NCF4: variants seen among roughly 807,000 people sequenced by gnomAD.
NCF4 encodes neutrophil cytosolic factor 4, also known as neutrophil cytosol factor 4.
A neutral mutation model predicts 41.7 loss-of-function variants in NCF4; 30 were observed. The ratio of observed to expected loss-of-function variants is 0.72; its 90% CI spans 0.54 to 0.97. The LOEUF is 0.97. NCF4 is among the 50% of genes least tolerant of loss of function. The pLI is 0.00. For synonymous variants in NCF4, 195 were observed against 175.8 expected (o/e 1.11, Z -0.87); for missense variants, 432 against 460.9 (o/e 0.94, Z 0.57).
rs1940227900 is a variant in NCF4, at chr22:36,877,823, A to G, written c.1020A>G (p.Ter340TrpextTer45). The G allele has an allele frequency of 6.2e-7, 1 of 1,612,724 alleles. No homozygotes were observed. Among genetic ancestry groups the G allele is most frequent in the South Asian group, 1.1e-5 (1 of 90,912 alleles). Residue 340 changes from the stop codon to tryptophan (W), a stop_lost, in exon 10 of 10, where the codon TGA becomes TGG. Coordinates refer to ENST00000248899, the MANE Select transcript of NCF4 (RefSeq NM_000631.5). ...ACAGGGTCTACAACACGATGCCATG[A>G]GCTGACGGTGTCCCTGGAGCAGTGA... The part of the protein sequence containing the change: ...DNYRVYNTMP[*>W]
At chr22:36,864,879 C>A in intron 2 of NCF4, 40 bp from the exon 3 acceptor site, 1 of 1,613,632 alleles carries the variant, frequency 6.2e-7, no homozygotes. Flanking sequence ...GCTTGTGCTC[C>A]TGGCCCCTGA....
At chr22:36,862,354 C>T (rs1477443885) in intron 1 of NCF4, among the ~76,000 whole-genome samples, 1 of 152,198 alleles carries the variant, frequency 6.6e-6, no homozygotes, top group Non-Finnish European at 1.5e-5. Flanking sequence ...TCCACGTGGC[C>T]TTCCTGAGCC....
chr22:36,867,110 C>CGTGT lies in NCF4; in HGVS notation c.272-252_272-249dup, dbSNP rs3221695. On this transcript the variant is annotated intron_variant, in intron 3 of 9. Coordinates refer to ENST00000248899, the MANE Select transcript of NCF4 (RefSeq NM_000631.5). ...ATCCTGCTCTCTTAGAACTAAGAGT[C>CGTGT]GTGTGTGTGTGTGTGTGTGTGTGTG... Among the ~76,000 whole-genome samples, 26,383 of 143,538 alleles carry CGTGT rather than the reference C, an allele frequency of 0.18. 2,482 individuals are homozygous for CGTGT. Among genetic ancestry groups the CGTGT allele is most frequent in the Non-Finnish European group, 0.2 (13,547 of 66,138 alleles). 94.2% of individuals were successfully genotyped at this position (143,538 alleles called of 152,430 possible).
chr22:36,866,572 GT>G (rs1452789631), intron 3 of NCF4, among the ~76,000 whole-genome samples: 1 of 152,018 alleles, frequency 6.6e-6, no homozygotes, highest in East Asian at 1.9e-4. Context: ...TAATTGTCAC[GT>G]TTTTGCTCCT....
At position 36,865,984 on chromosome 22, in the gene NCF4, C is replaced by A. The variant is rs1217414360; in HGVS notation, c.271+912C>A. Among the ~76,000 whole-genome samples, 1 of 152,054 alleles carries A rather than the reference C, an allele frequency of 6.6e-6. No homozygotes were observed. Among genetic ancestry groups the A allele is most frequent in the African/African-American group, 2.4e-5 (1 of 41,394 alleles). Reference sequence around the variant, plus strand: ...CTCCTCTCTCTTTTGGGGCTCTCTCCTGACAATCTACCCCTCCTTTTCCTT... The same window carrying A: ...CTCCTCTCTCTTTTGGGGCTCTCTCATGACAATCTACCCCTCCTTTTCCTT... On this transcript the variant is annotated intron_variant, in intron 3 of 9. Transcript: ENST00000248899. This position sits in a 1 kb window ranked among gnomAD's most constrained non-coding sequence, Gnocchi z 4.3.
At chr22:36,867,539 G>A (rs1939957682) in intron 4 of NCF4, 77 bp downstream of exon 4, 4 of 1,506,802 alleles carry the variant, frequency 2.7e-6, no homozygotes, top group Non-Finnish European at 3.7e-6. Context: ...CCATCCCTGG[G>A]TATGGCTTTG....
Position 36,871,575 on chromosome 22 carries a change from C to G in NCF4, c.471-77C>G, listed in dbSNP as rs1219084750. On this transcript the variant is annotated intron_variant, in intron 5 of 9. Coordinates refer to ENST00000248899, the MANE Select transcript of NCF4 (RefSeq NM_000631.5). ...TGCCTTCCCTGCTCCTTGCAAGGGG[C>G]TCCTCTGGACACAGGAGCAGGAAGC... 7 of 1,478,008 alleles carry G rather than the reference C, an allele frequency of 4.7e-6. No individual in the cohort carries two copies. In the East Asian group the frequency reaches 1.5e-4, roughly 31 times the overall value. 91.6% of individuals were successfully genotyped at this position (1,478,008 alleles called of 1,614,324 possible).
intron 7 of NCF4, among the ~76,000 whole-genome samples, chr22:36,874,708 A>C (rs1002204577): frequency 6.6e-6 from 1 of 152,220 alleles, no homozygotes; most frequent in African/African-American, 2.4e-5. Context: ...GCATGTAAAT[A>C]ATCCATGTTC....
chr22:36,870,039 TC>T (rs2145715512), intron 4 of NCF4: 1 of 351,690 alleles, frequency 2.8e-6, no homozygotes, highest in South Asian at 2.2e-5. Flanking sequence ...ACCTCTCTGA[TC>T]CTAACTCAAG....
At chr22:36,869,085 G>A (rs1405511418) in intron 4 of NCF4, among the ~76,000 whole-genome samples, 1 of 152,190 alleles carries the variant, frequency 6.6e-6, no homozygotes, top group East Asian at 1.9e-4. Flanking sequence ...ATTGATAAAT[G>A]AATAATCTTA....
intron 9 of NCF4, among the ~76,000 whole-genome samples, chr22:36,876,538 T>A (rs766634388): frequency 6.6e-6 from 1 of 152,166 alleles, no homozygotes; most frequent in African/African-American, 2.4e-5. Flanking sequence ...GTCAGAAAGA[T>A]ACAAAGAAGT....
rs1188940634 is a variant in NCF4, at chr22:36,877,981, A to G, written c.*158A>G. 1 of 718,892 alleles carries G rather than the reference A, an allele frequency of 1.4e-6. No homozygotes were observed. Among genetic ancestry groups the G allele is most frequent in the Admixed American group, 2.8e-5 (1 of 35,912 alleles). 44.5% of individuals were successfully genotyped at this position (718,892 alleles called of 1,614,324 possible). ...TAATCTGTCTCTTTCTACTATTTAC[A>G]TCTGATTTAAATAAACCATTCCATC... On this transcript the variant is annotated 3_prime_UTR_variant, in exon 10 of 10. Coordinates refer to ENST00000248899, the MANE Select transcript of NCF4 (RefSeq NM_000631.5).
At chr22:36,867,342 C>A (rs1192449493) in intron 3 of NCF4, 50 bp from the exon 4 acceptor site, 3 of 1,605,038 alleles carry the variant, frequency 1.9e-6, no homozygotes, top group South Asian at 2.2e-5. Context: ...CCCTGAGCCC[C>A]GGGGCCATGT....
At chr22:36,872,030 C>G (rs1021523964) in intron 6 of NCF4, 1 of 663,228 alleles carries the variant, frequency 1.5e-6, no homozygotes, top group Non-Finnish European at 2.8e-6. Flanking sequence ...CAGACAAGGC[C>G]CAGCCCACGA....
intron 7 of NCF4, 26 bp from the exon 8 acceptor site, chr22:36,875,627 A>G (rs778173765): frequency 1.2e-6 from 2 of 1,605,940 alleles, no homozygotes; most frequent in Admixed American, 3.3e-5. Context: ...TCTCACCAGC[A>G]TGGCATCCCT....
Position 36,867,474 on chromosome 22 carries a change from C to G in NCF4, c.342+12C>G, listed in dbSNP as rs367636183. On this transcript the variant is annotated intron_variant, in intron 4 of 9. Transcript: ENST00000248899. ...ACGCCTACATGAAGGTACCAGTGGG[C>G]CTTGCCACCTTGGCACGTGGAAGGG... The G allele has an allele frequency of 6.2e-7, 1 of 1,613,960 alleles. No individual in the cohort carries two copies.
At chr22:36,872,161 T>A (rs1178103066) in intron 6 of NCF4, 166 bp from the exon 7 acceptor site, 2 of 726,592 alleles carry the variant, frequency 2.8e-6, no homozygotes, top group East Asian at 5.4e-5. Flanking sequence ...TGGGTTCAAT[T>A]CCCAGCTCCT....
intron 7 of NCF4, among the ~76,000 whole-genome samples, chr22:36,873,019 ACTGGAGGTGAGATTGGAGGTGAGG>A (rs1940113553): frequency 3.3e-5 from 2 of 60,032 alleles, no homozygotes; most frequent in African/African-American, 7.1e-5. Context: ...TGGAGGTGAG[ACTGGAGGTGAGATTGGAGGTGAGG>A]ATGGAGGTGA....
intron 6 of NCF4, chr22:36,872,106 C>G: frequency 2.8e-6 from 2 of 709,884 alleles, no homozygotes; most frequent in African/African-American, 1.7e-5. Context: ...TGTGCTCACC[C>G]CCACCAGGTT....
Sources: allele counts gnomAD v4.1 joint callset (sites outside exome capture counted in the v4.1 genomes callset), GRCh38; gene constraint gnomAD v4.1.1; non-coding constraint Gnocchi (gnomAD v3.1); transcripts MANE v1.5; gene names NCBI Gene and HGNC (gene_info 2026-07-23, HGNC 2026-07-21).